WDFY2: variants seen among roughly 807,000 people sequenced by gnomAD.
WDFY2 encodes the protein WD repeat and FYVE domain-containing protein 2.
A neutral mutation model predicts 56.4 loss-of-function variants in WDFY2; 36 were observed. The observed-to-expected ratio is 0.64, with a 90% CI of 0.49 to 0.84. The LOEUF is 0.84. Ranked by LOEUF, WDFY2 falls within the 40% of genes least tolerant of loss-of-function variation. WDFY2 has a pLI of 0.00. For missense variants in WDFY2, 444 were observed against 512.2 expected (o/e 0.87, Z 1.29); for synonymous variants, 176 against 183.7 (o/e 0.96, Z 0.34).
intron 1 of WDFY2, among the ~76,000 whole-genome samples, chr13:51,633,505 G>C (rs1406826401): frequency 1.3e-5 from 2 of 152,220 alleles, no homozygotes; most frequent in African/African-American, 4.8e-5. Context: ...AATGGCAGCA[G>C]TTTTGTTGTG....
rs1953631647 is a variant in WDFY2 at position 51,762,879 on chromosome 13, C to T, written c.*3110C>T. The T allele has an allele frequency of 6.6e-6, 1 of 152,238 alleles. No homozygotes were observed. The highest frequency in any genetic ancestry group is 2.4e-5 in the African/African-American group (1 of 41,456). The allele number at this position is 152,238 out of a possible 1,614,324, so 9.4% of individuals were successfully genotyped here. On this transcript the variant is annotated 3_prime_UTR_variant, in exon 12 of 12. Transcript: ENST00000298125. The stretch of plus-strand genomic sequence containing the variant: ...GATGGGGCAAAACCAACCACATGTT[C>T]TTGGTTCCTCCAAACGAATGACATT...
intron 4 of WDFY2, among the ~76,000 whole-genome samples, chr13:51,714,033 A>C (rs977982107): frequency 2.6e-5 from 4 of 151,882 alleles, no homozygotes; most frequent in African/African-American, 9.7e-5. Flanking sequence ...AGAGAGTGAA[A>C]GGTGGTGATG....
At chr13:51,750,033 T>G (rs1397074965) in intron 7 of WDFY2, among the ~76,000 whole-genome samples, 1 of 152,186 alleles carries the variant, frequency 6.6e-6, no homozygotes, top group Non-Finnish European at 1.5e-5. Flanking sequence ...TCAACACTAA[T>G]AAATCAGAGA....
intron 1 of WDFY2, among the ~76,000 whole-genome samples, chr13:51,606,418 A>C (rs1432553537): frequency 6.6e-6 from 1 of 152,130 alleles, no homozygotes; most frequent in African/African-American, 2.4e-5. Flanking sequence ...TTTTTATCTA[A>C]AGTGATATAT....
chr13:51,757,824 A>G (rs1016873074), intron 10 of WDFY2, among the ~76,000 whole-genome samples: 2 of 148,066 alleles, frequency 1.4e-5, no homozygotes, highest in African/African-American at 5.1e-5. Flanking sequence ...ACTTAGTACT[A>G]TCTTGGTCCT....
rs1953782066 is a variant in WDFY2 at position 51,767,363 on chromosome 13, G to C, written c.*7594G>C. On this transcript the variant is annotated 3_prime_UTR_variant, in exon 12 of 12. Coordinates refer to ENST00000298125, the MANE Select transcript of WDFY2 (RefSeq NM_052950.4). Reference sequence around the variant, plus strand: ...TTGTCAGAAAGACGCTGATGTTTCAGGCTGGCACACCCAGAAAAATCCCTT... The same window carrying C: ...TTGTCAGAAAGACGCTGATGTTTCACGCTGGCACACCCAGAAAAATCCCTT... 1 of 152,218 alleles carries C rather than the reference G, an allele frequency of 6.6e-6. No individual in the cohort carries two copies. Among genetic ancestry groups the C allele is most frequent in the Non-Finnish European group, 1.5e-5 (1 of 68,052 alleles). The allele number at this position is 152,218 out of a possible 1,614,324, so 9.4% of individuals were successfully genotyped here.
intron 5 of WDFY2, among the ~76,000 whole-genome samples, chr13:51,719,561 CT>C (rs1392592143): frequency 2.7e-4 from 41 of 152,198 alleles, no homozygotes; most frequent in Non-Finnish European, 4.6e-4. Flanking sequence ...TAATAGACTG[CT>C]GAGCCATTTG....
At chr13:51,668,595 T>C (rs1955754511) in intron 2 of WDFY2, among the ~76,000 whole-genome samples, 1 of 152,208 alleles carries the variant, frequency 6.6e-6, no homozygotes, top group Admixed American at 6.5e-5. Context: ...ATAGTGTCCA[T>C]GAATTAAATT....
intron 4 of WDFY2, among the ~76,000 whole-genome samples, chr13:51,718,411 G>A (rs1393566471): frequency 6.6e-6 from 1 of 152,128 alleles, no homozygotes; most frequent in Non-Finnish European, 1.5e-5. Flanking sequence ...ACCTCATTGT[G>A]CCTCACTTTG....
intron 2 of WDFY2, among the ~76,000 whole-genome samples, chr13:51,669,139 G>A (rs1056638905): frequency 2.6e-5 from 4 of 151,906 alleles, no homozygotes; most frequent in African/African-American, 9.7e-5. Context: ...GATCTCTTGG[G>A]TCCCCTTTGT....
chr13:51,598,080 G>T (rs1159443082), intron 1 of WDFY2, among the ~76,000 whole-genome samples: 1 of 152,038 alleles, frequency 6.6e-6, no homozygotes, highest in Non-Finnish European at 1.5e-5. Context: ...TTTGGCAGGG[G>T]CAGGTGTGGT....
At chr13:51,589,845 A>G (rs1046955009) in intron 1 of WDFY2, 1 of 152,176 alleles carries the variant, frequency 6.6e-6, no homozygotes, top group African/African-American at 2.4e-5. Context: ...TGTGGATTTC[A>G]AGGTCCCAAA....
Position 51,584,464 on chromosome 13 carries a change from A to T in WDFY2, c.-224A>T. ...CCGGCGCTCCGCCCCCTCCTCTTGT[A>T]GTGGCGCCGGCTTGCATCCCAGGTC... On this transcript the variant is annotated 5_prime_UTR_variant, in exon 1 of 12. Coordinates refer to ENST00000298125, the MANE Select transcript of WDFY2 (RefSeq NM_052950.4). 1 of 529,476 alleles carries T rather than the reference A, an allele frequency of 1.9e-6. No homozygotes were observed. The highest frequency in any genetic ancestry group is 3.2e-6 in the Non-Finnish European group (1 of 311,774). The allele number at this position is 529,476 out of a possible 1,614,324, so 32.8% of individuals were successfully genotyped here.
chr13:51,705,970 T>C (rs1359583455), intron 4 of WDFY2, among the ~76,000 whole-genome samples: 4 of 152,240 alleles, frequency 2.6e-5, no homozygotes, highest in Non-Finnish European at 5.9e-5. Context: ...TTTTCTTAAA[T>C]GTATAAGCAT....
At chr13:51,698,076 T>G (rs1951912785) in intron 3 of WDFY2, among the ~76,000 whole-genome samples, 1 of 152,200 alleles carries the variant, frequency 6.6e-6, no homozygotes, top group African/African-American at 2.4e-5. Context: ...ACAGAGCTCT[T>G]GAGCAACTTG....
chr13:51,587,255 GT>G (rs1189844283), intron 1 of WDFY2: 2 of 152,144 alleles, frequency 1.3e-5, no homozygotes, highest in African/African-American at 4.8e-5. Context: ...TTTAAACGGT[GT>G]TATACAGTAT....
At chr13:51,734,235 A>T (rs1334185790) in intron 6 of WDFY2, among the ~76,000 whole-genome samples, 1 of 152,196 alleles carries the variant, frequency 6.6e-6, no homozygotes, top group Admixed American at 6.5e-5. Flanking sequence ...GTCTCAAAAA[A>T]AAATTAGTTC....
chr13:51,711,966 T>A (rs1952228804), intron 4 of WDFY2, among the ~76,000 whole-genome samples: 1 of 152,236 alleles, frequency 6.6e-6, no homozygotes, highest in Non-Finnish European at 1.5e-5. Context: ...TTATAAATCA[T>A]CCTGCTATAA....
intron 8 of WDFY2, among the ~76,000 whole-genome samples, chr13:51,752,579 C>T (rs1953262842): frequency 6.6e-6 from 1 of 152,140 alleles, no homozygotes; most frequent in African/African-American, 2.4e-5. Flanking sequence ...CAATTCTTTT[C>T]CTTTGGTGCA....
Sources: allele counts gnomAD v4.1 joint callset (sites outside exome capture counted in the v4.1 genomes callset), GRCh38; gene constraint gnomAD v4.1.1; transcripts MANE v1.5; gene names NCBI Gene and HGNC (gene_info 2026-07-23, HGNC 2026-07-21).